CILK1: variants seen among roughly 807,000 people sequenced by gnomAD.
CILK1 encodes ciliogenesis associated kinase 1.
Under a neutral mutation model 79.2 loss-of-function variants are expected in CILK1, and 47 were observed. The observed-to-expected ratio is 0.59, with a 90% CI of 0.47 to 0.76. The LOEUF (loss-of-function observed/expected upper bound fraction) is 0.76. Ranked by LOEUF, CILK1 falls within the 30% of genes least tolerant of loss-of-function variation. CILK1 has a pLI of 0.00. For missense variants in CILK1, 660 were observed against 769.5 expected, an observed-to-expected ratio of 0.86 and a Z score of 1.68; for synonymous variants, 266 against 275.9, an observed-to-expected ratio of 0.96 and a Z score of 0.36.
At chr6:53,040,168 A>G (rs879585607) in intron 2 of CILK1, among the ~76,000 whole-genome samples, 2 of 152,192 alleles carry the variant, frequency 1.3e-5, no homozygotes, top group Non-Finnish European at 2.9e-5. Context: ...GGCAGTCTCC[A>G]ATGTGGTTCC....
Position 53,016,150 on chromosome 6 carries a change from C to G in CILK1, c.764G>C (p.Ser255Thr). The G allele has an allele frequency of 6.2e-7, 1 of 1,614,132 alleles. No individual in the cohort carries two copies. Among genetic ancestry groups the G allele is most frequent in the Non-Finnish European group, 8.5e-7 (1 of 1,179,974 alleles). ...NLKTLIPNAS[S>T]EAVQLLRDML... ...GTCTCTCAGGAGCTGGACTGCTTCA[C>G]TGCTAGCATTGGGAATCAAGGTCTT... Residue 255 changes from serine (S) to threonine (T), a missense_variant, in exon 8 of 14, where the codon AGT (serine) becomes ACT (threonine). Ser to Thr is a moderately conservative substitution (Grantham distance 58). Transcript: ENST00000676107.
chr6:53,028,739 A>C (rs1340753357), intron 5 of CILK1, among the ~76,000 whole-genome samples: 2 of 152,206 alleles, frequency 1.3e-5, no homozygotes, highest in Admixed American at 1.3e-4. Flanking sequence ...TGTCTAGTGC[A>C]TGGAGGGAAA....
At chr6:53,061,352 G>C (rs1768435186) in intron 1 of CILK1, among the ~76,000 whole-genome samples, 1 of 152,216 alleles carries the variant, frequency 6.6e-6, no homozygotes, top group African/African-American at 2.4e-5. Flanking sequence ...AAATTAGCTA[G>C]GGTCTTCCCC....
At chr6:53,020,596 G>A (rs1765171264) in intron 5 of CILK1, among the ~76,000 whole-genome samples, 1 of 152,052 alleles carries the variant, frequency 6.6e-6, no homozygotes, top group Non-Finnish European at 1.5e-5. Flanking sequence ...ATGTTCAACT[G>A]GTAAAATATA....
chr6:53,041,312 G>A lies in CILK1; in HGVS notation c.-76C>T. The A allele has an allele frequency of 1.0e-6, 1 of 982,690 alleles. No individual in the cohort carries two copies. Among genetic ancestry groups the A allele is most frequent in the Admixed American group, 1.7e-5 (1 of 59,072 alleles). The allele number at this position is 982,690 out of a possible 1,614,324, so 60.9% of individuals were successfully genotyped here. ...TCTGCAGTGGTAGCAGTCCTCCCCA[G>A]AGTGTAACCAGATTTTTCGATGGCA... On this transcript the variant is annotated 5_prime_UTR_variant, in exon 2 of 14. Transcript: ENST00000676107.
chr6:53,050,024 A>C (rs1562044651), intron 1 of CILK1, among the ~76,000 whole-genome samples: 2 of 152,270 alleles, frequency 1.3e-5, no homozygotes, highest in South Asian at 4.1e-4. Flanking sequence ...CCCAGCCTCA[A>C]TTGGAGTTCT....
chr6:53,010,865 G>A (rs1024547579), intron 11 of CILK1, among the ~76,000 whole-genome samples: 4 of 152,210 alleles, frequency 2.6e-5, no homozygotes, highest in African/African-American at 9.7e-5. Flanking sequence ...TGTTTGCAAA[G>A]CTGCTGTATA....
intron 1 of CILK1, among the ~76,000 whole-genome samples, chr6:53,042,105 C>T (rs1766758377): frequency 6.6e-6 from 1 of 152,166 alleles, no homozygotes; most frequent in South Asian, 2.1e-4. Flanking sequence ...GGCATAAAGT[C>T]ACAGTTTCCA....
intron 1 of CILK1, 88 bp from the exon 2 acceptor site, chr6:53,041,496 G>C (rs982902913): frequency 1.6e-5 from 7 of 441,172 alleles, no homozygotes; most frequent in African/African-American, 1.2e-4. Context: ...TGTTTTATTG[G>C]AACACAGTCA....
intron 1 of CILK1, among the ~76,000 whole-genome samples, chr6:53,059,933 A>G (rs1352086873): frequency 6.6e-6 from 1 of 152,242 alleles, no homozygotes; most frequent in Admixed American, 6.5e-5. Flanking sequence ...AGGCTGTTGC[A>G]GTACTGCAGG....
intron 5 of CILK1, among the ~76,000 whole-genome samples, chr6:53,025,012 T>C (rs936507971): frequency 3.9e-5 from 6 of 152,118 alleles, no homozygotes; most frequent in Admixed American, 3.3e-4. Context: ...TTTGTATTTT[T>C]AGTAGAGACA....
intron 5 of CILK1, among the ~76,000 whole-genome samples, chr6:53,024,974 A>G (rs979908666): frequency 6.6e-6 from 1 of 151,902 alleles, no homozygotes; most frequent in Non-Finnish European, 1.5e-5. Flanking sequence ...CTGGGATTAC[A>G]GGCCTGCACC....
At chr6:53,018,239 G>T in intron 7 of CILK1, 91 bp downstream of exon 7, 1 of 1,221,820 alleles carries the variant, frequency 8.2e-7, no homozygotes, top group Non-Finnish European at 1.2e-6. Flanking sequence ...ATGGGCAGGT[G>T]CTCAATCATG....
intron 11 of CILK1, among the ~76,000 whole-genome samples, chr6:53,009,791 A>G (rs1244071023): frequency 6.6e-6 from 1 of 152,138 alleles, no homozygotes; most frequent in African/African-American, 2.4e-5. Flanking sequence ...GATCCAATGG[A>G]TCTGTCCCAC....
At chr6:53,018,525 T>C in intron 6 of CILK1, 24 bp from the exon 7 acceptor site, 1 of 1,610,260 alleles carries the variant, frequency 6.2e-7, no homozygotes, top group Non-Finnish European at 8.5e-7. Flanking sequence ...GGTTAACTGC[T>C]AGCTATTGCT....
chr6:53,041,050 ACCCACTC>A (rs1766672739), intron 2 of CILK1, 79 bp downstream of exon 2: 1 of 900,570 alleles, frequency 1.1e-6, no homozygotes, highest in Admixed American at 1.7e-5. Flanking sequence ...TAGGCATCCT[ACCCACTC>A]CCCTTTAGAA....
chr6:53,056,475 T>C (rs1767881122), intron 1 of CILK1, among the ~76,000 whole-genome samples: 1 of 152,098 alleles, frequency 6.6e-6, no homozygotes, highest in Non-Finnish European at 1.5e-5. Flanking sequence ...TACAAATTTA[T>C]TTACAAAAAC....
At chr6:53,018,814 G>GA (rs923116028) in intron 6 of CILK1, among the ~76,000 whole-genome samples, 1 of 152,214 alleles carries the variant, frequency 6.6e-6, no homozygotes, top group African/African-American at 2.4e-5. Flanking sequence ...AACTAAGAGA[G>GA]AAAGGAAGAG....
chr6:53,029,929 G>A (rs988415246), intron 5 of CILK1, among the ~76,000 whole-genome samples: 1 of 152,138 alleles, frequency 6.6e-6, no homozygotes, highest in Non-Finnish European at 1.5e-5. Flanking sequence ...CTCCTGAGAA[G>A]ACTTCTGGCC....
Sources: allele counts gnomAD v4.1 joint callset (sites outside exome capture counted in the v4.1 genomes callset), GRCh38; gene constraint gnomAD v4.1.1; transcripts MANE v1.5; gene names NCBI Gene and HGNC (gene_info 2026-07-23, HGNC 2026-07-21).